The following MBD5 variants were observed in gnomAD, a reference collection of about 807,000 sequenced individuals.
MBD5 encodes methyl-CpG binding domain protein 5.
MBD5 carries 13 observed loss-of-function variants against 117.3 expected under a neutral mutation model. That is an observed-to-expected ratio of 0.11 (90% CI 0.07 to 0.18). The LOEUF (loss-of-function observed/expected upper bound fraction) is 0.18. Ranked by LOEUF, MBD5 falls within the 10% of genes least tolerant of loss-of-function variation. The pLI is 1.00. For missense variants in MBD5, 1,879 were observed against 2,093.8 expected (o/e 0.90, Z 2.00); for synonymous variants, 727 against 766.4 (o/e 0.95, Z 0.85).
intron 4 of MBD5, among the ~76,000 whole-genome samples, chr2:148,392,224 G>A (rs534766471): frequency 6.9e-4 from 105 of 152,184 alleles, no homozygotes; most frequent in African/African-American, 2.5e-3. Context: ...TGTAGACAGC[G>A]ACATAGCATG....
chr2:148,176,407 C>CT lies in MBD5; in HGVS notation c.-924-2278dup, dbSNP rs1195471654. On this transcript the variant is annotated intron_variant, in intron 1 of 13. Transcript: ENST00000642680. Reference sequence around the variant, plus strand: ...GGACCTGTTTATAAGAATTTTCTTGCTTTTTTTTTTTTTTTGAGACAGAGT... The same window carrying CT: ...GGACCTGTTTATAAGAATTTTCTTGCTTTTTTTTTTTTTTTTGAGACAGAGT... 4.0e-3 allele frequency among the ~76,000 whole-genome samples: 518 copies of CT among 128,936 alleles called. 4 individuals are homozygous for CT. Among genetic ancestry groups the CT allele is most frequent in the African/African-American group, 0.012 (387 of 33,238 alleles). The allele number at this position is 128,936 out of a possible 152,430, so 84.6% of individuals were successfully genotyped here.
At chr2:148,231,931 A>G (rs932505873) in intron 2 of MBD5, among the ~76,000 whole-genome samples, 7 of 152,210 alleles carry the variant, frequency 4.6e-5, no homozygotes, top group Non-Finnish European at 1.0e-4. Flanking sequence ...GCCAATGGTG[A>G]AGAGGGTAAA....
chr2:148,300,187 T>G (rs905303876), intron 3 of MBD5, among the ~76,000 whole-genome samples: 1 of 152,146 alleles, frequency 6.6e-6, no homozygotes, highest in Non-Finnish European at 1.5e-5. Context: ...CCCAAGTAGC[T>G]GGGATTACAG....
chr2:148,278,767 C>A (rs572565111), intron 3 of MBD5, among the ~76,000 whole-genome samples: 1 of 152,122 alleles, frequency 6.6e-6, no homozygotes, highest in African/African-American at 2.4e-5. Context: ...GCTAGAGAAC[C>A]AGGAAAGCCA....
intron 1 of MBD5, among the ~76,000 whole-genome samples, chr2:148,152,115 C>T (rs950771553): frequency 6.6e-6 from 1 of 151,986 alleles, no homozygotes; most frequent in Non-Finnish European, 1.5e-5. Context: ...GCTTTGAATG[C>T]ATCCCAGAGA....
chr2:148,484,708 T>G (rs989484861), intron 9 of MBD5, among the ~76,000 whole-genome samples: 1 of 152,226 alleles, frequency 6.6e-6, no homozygotes, highest in Non-Finnish European at 1.5e-5. Context: ...CAGTCAGTAT[T>G]AATTTTTTGA....
chr2:148,414,652 G>T (rs1316034728), intron 4 of MBD5, among the ~76,000 whole-genome samples: 1 of 152,018 alleles, frequency 6.6e-6, no homozygotes, highest in Non-Finnish European at 1.5e-5. Context: ...TCCTTTATTG[G>T]GTGCATATAT....
chr2:148,218,205 A>G (rs748251126), intron 2 of MBD5, among the ~76,000 whole-genome samples: 2 of 152,124 alleles, frequency 1.3e-5, no homozygotes, highest in Non-Finnish European at 2.9e-5. Flanking sequence ...ACCACTGGAT[A>G]GGTCTCATCC....
chr2:148,494,171 T>C (rs1681616002), intron 11 of MBD5, among the ~76,000 whole-genome samples: 1 of 152,226 alleles, frequency 6.6e-6, no homozygotes, highest in South Asian at 2.1e-4. Flanking sequence ...TGACCTTAGT[T>C]ATTGTTTACC....
chr2:148,152,953 T>C (rs1213849084), intron 1 of MBD5, among the ~76,000 whole-genome samples: 5 of 152,130 alleles, frequency 3.3e-5, no homozygotes, highest in African/African-American at 1.2e-4. Flanking sequence ...AAAGTTAATA[T>C]TGTTATGTGT....
chr2:148,158,931 C>A (rs982577838), intron 1 of MBD5, among the ~76,000 whole-genome samples: 1 of 152,166 alleles, frequency 6.6e-6, no homozygotes, highest in Non-Finnish European at 1.5e-5. Flanking sequence ...ATCGTGTTAG[C>A]CAGGATGGTC....
chr2:148,285,185 CAAAT>C (rs1360632801), intron 3 of MBD5, among the ~76,000 whole-genome samples: 1 of 152,180 alleles, frequency 6.6e-6, no homozygotes, highest in Non-Finnish European at 1.5e-5. Flanking sequence ...GCTCTTCAAA[CAAAT>C]AGACAGCTTA....
chr2:148,331,307 A>AC (rs555826209), intron 3 of MBD5, among the ~76,000 whole-genome samples: 83 of 152,312 alleles, frequency 5.4e-4, no homozygotes, highest in Non-Finnish European at 9.1e-4. Flanking sequence ...AAGACTTACA[A>AC]CAGCAGTCCC....
chr2:148,288,602 T>G (rs992009003), intron 3 of MBD5, among the ~76,000 whole-genome samples: 3 of 151,750 alleles, frequency 2.0e-5, no homozygotes, highest in Admixed American at 2.0e-4. Flanking sequence ...TTATAATAGA[T>G]GCTCCAAAAA....
At chr2:148,211,467 G>T (rs1489298358) in intron 2 of MBD5, among the ~76,000 whole-genome samples, 2 of 152,016 alleles carry the variant, frequency 1.3e-5, no homozygotes, top group South Asian at 2.1e-4. Flanking sequence ...TGAAATTTTC[G>T]ATTTTTGTTA....
intron 4 of MBD5, among the ~76,000 whole-genome samples, chr2:148,344,993 A>G (rs185327722): frequency 1.1e-4 from 16 of 152,012 alleles, no homozygotes; most frequent in Non-Finnish European, 1.5e-4. Flanking sequence ...CTTATTCACC[A>G]TCTTAGAGAT....
At chr2:148,381,023 A>C (rs1704126159) in intron 4 of MBD5, among the ~76,000 whole-genome samples, 2 of 152,154 alleles carry the variant, frequency 1.3e-5, no homozygotes, top group African/African-American at 4.8e-5. Flanking sequence ...ATGGGGAAAA[A>C]ACAGAGCAGA....
At position 148,225,720 on chromosome 2, in the gene MBD5, T is replaced by C. The variant is rs1274167721; in HGVS notation, c.-830-7525T>C. Among the ~76,000 whole-genome samples, 6 of 152,332 alleles carry C rather than the reference T, an allele frequency of 3.9e-5. No homozygotes were observed. The East Asian group carries it at 9.6e-4, about 24-fold the overall frequency. ...ATTCATGTTTGAAGGATATTTTCACTGAATATACCATTCTAGAGTAAAAGT... is the reference window on the plus strand; with the variant it reads ...ATTCATGTTTGAAGGATATTTTCACCGAATATACCATTCTAGAGTAAAAGT... On this transcript the variant is annotated intron_variant, in intron 2 of 13. Transcript: ENST00000642680.
intron 3 of MBD5, among the ~76,000 whole-genome samples, chr2:148,309,582 T>A (rs1473816539): frequency 6.6e-6 from 1 of 152,226 alleles, no homozygotes; most frequent in Non-Finnish European, 1.5e-5. Flanking sequence ...AGTCATGGCA[T>A]CTGCAAACAG....
Sources: gnomAD v4.1 joint callset for allele counts (sites outside exome capture counted in the v4.1 genomes callset) on GRCh38, gnomAD v4.1.1 for gene constraint, MANE v1.5 for transcripts, NCBI Gene and HGNC (gene_info 2026-07-23, HGNC 2026-07-21) for gene names.